LRRC4C: variants seen among roughly 807,000 people sequenced by gnomAD.
LRRC4C encodes the protein leucine-rich repeat-containing protein 4C.
In LRRC4C, 5 loss-of-function variants were observed where a neutral mutation model predicts 33.6. The ratio of observed to expected loss-of-function variants is 0.15; its 90% confidence interval spans 0.08 to 0.31. LRRC4C has a LOEUF of 0.31. LRRC4C is among the 10% of genes least tolerant of loss of function. The probability of loss-of-function intolerance (pLI) is 1.00; values close to 1 mark genes in which losing one functional copy is unlikely to be tolerated. For missense variants in LRRC4C, 560 were observed against 796.7 expected (o/e 0.70, Z 3.58); for synonymous variants, 329 against 302.0 (o/e 1.09, Z -0.93).
At chr11:41,384,242 A>AAG (rs1339339402) in intron 1 of LRRC4C, among the ~76,000 whole-genome samples, 3 of 151,944 alleles carry the variant, frequency 2.0e-5, no homozygotes, top group Non-Finnish European at 4.4e-5. Flanking sequence ...GGAGGTAGTA[A>AAG]ATATGTTTTT....
In LRRC4C at chr11:41,304,156, C is replaced by T. The variant is rs1442315637; in HGVS notation, c.-496+155275G>A. On this transcript the variant is annotated intron_variant, in intron 1 of 6. Transcript: ENST00000528697. Reference sequence around the variant, plus strand: ...AGCCCCTCAGCCCGGCCAGCCGCCCCGTCCGGGAGGGAGGTGGGGGGGTCA... The same window carrying T: ...AGCCCCTCAGCCCGGCCAGCCGCCCTGTCCGGGAGGGAGGTGGGGGGGTCA... Among the ~76,000 whole-genome samples the T allele has an allele frequency of 8.8e-3, 827 of 94,462 alleles. 3 individuals carry two copies. Among genetic ancestry groups the T allele is most frequent in the African/African-American group, 0.024 (778 of 32,964 alleles). The allele number at this position is 94,462 out of a possible 152,430, so 62.0% of individuals were successfully genotyped here. A position where few individuals can be genotyped will look rare whatever the true frequency, so the allele number is the denominator to read the frequency against.
chr11:40,920,766 TA>T (rs2136355716), intron 2 of LRRC4C, among the ~76,000 whole-genome samples: 2 of 152,232 alleles, frequency 1.3e-5, no homozygotes, highest in East Asian at 3.9e-4. Context: ...GACCATGTCC[TA>T]AATTTTGGAA....
intron 2 of LRRC4C, among the ~76,000 whole-genome samples, chr11:40,735,174 A>G (rs1947795180): frequency 6.6e-6 from 1 of 152,026 alleles, no homozygotes; most frequent in Admixed American, 6.6e-5. Context: ...TTTTATTATT[A>G]TTACACTTTA....
chr11:40,274,777 A>G (rs1748575531), intron 4 of LRRC4C, among the ~76,000 whole-genome samples: 1 of 152,132 alleles, frequency 6.6e-6, no homozygotes, highest in Non-Finnish European at 1.5e-5. Context: ...GGTAACTTAC[A>G]TAGAGTGCTA....
At chr11:41,376,079 G>A (rs780523320) in intron 1 of LRRC4C, among the ~76,000 whole-genome samples, 13 of 151,352 alleles carry the variant, frequency 8.6e-5, no homozygotes, top group Admixed American at 7.2e-4. Flanking sequence ...GAGAAGACTA[G>A]CATTAATTGT....
At position 40,206,194 on chromosome 11, in the gene LRRC4C, A is replaced by G. The variant is rs4534571; in HGVS notation, c.-96+35325T>C. ...AATTAATTGAGGTAATCTTCCCAACAATTTTATAGGACAGAGAATGGGATG... is the reference window on the plus strand; with the variant it reads ...AATTAATTGAGGTAATCTTCCCAACGATTTTATAGGACAGAGAATGGGATG... On this transcript the variant is annotated intron_variant, in intron 5 of 6. Coordinates refer to ENST00000528697, the MANE Select transcript of LRRC4C (RefSeq NM_001258419.2). 2.4e-3 allele frequency among the ~76,000 whole-genome samples: 361 copies of G among 152,160 alleles called. 1 individual carries two copies. The highest frequency in any genetic ancestry group is 0.022 in the South Asian group (107 of 4,814).
At chr11:41,031,526 G>T (rs1856728439) in intron 1 of LRRC4C, among the ~76,000 whole-genome samples, 1 of 151,948 alleles carries the variant, frequency 6.6e-6, no homozygotes, top group Non-Finnish European at 1.5e-5. Context: ...TGCTTGACAA[G>T]TTCATTCAGT....
chr11:41,054,117 C>T (rs1245118930), intron 1 of LRRC4C, among the ~76,000 whole-genome samples: 1 of 152,180 alleles, frequency 6.6e-6, no homozygotes, highest in Non-Finnish European at 1.5e-5. Context: ...CTAAATCAAA[C>T]TGTGTCTTAT....
At chr11:40,461,192 C>A (rs1952381571) in intron 3 of LRRC4C, among the ~76,000 whole-genome samples, 1 of 152,008 alleles carries the variant, frequency 6.6e-6, no homozygotes, top group Admixed American at 6.6e-5. Context: ...TTATTAGTGG[C>A]AAGGGAAAAA....
At chr11:41,429,520 C>G (rs1278361922) in intron 1 of LRRC4C, among the ~76,000 whole-genome samples, 1 of 152,112 alleles carries the variant, frequency 6.6e-6, no homozygotes, top group Non-Finnish European at 1.5e-5. Context: ...ATGAAGAAGA[C>G]AGCTATTATC....
intron 1 of LRRC4C, among the ~76,000 whole-genome samples, chr11:41,113,028 T>C (rs973712345): frequency 7.2e-5 from 11 of 152,130 alleles, no homozygotes; most frequent in African/African-American, 2.7e-4. Context: ...AAGTCTTTAT[T>C]TGTGTATAGG....
chr11:40,936,996 G>A (rs1957930800), intron 1 of LRRC4C, among the ~76,000 whole-genome samples: 2 of 152,158 alleles, frequency 1.3e-5, no homozygotes, highest in African/African-American at 4.8e-5. Flanking sequence ...CAAAGTAACT[G>A]TCTAACATTG....
chr11:40,180,427 C>T (rs1467254442), intron 5 of LRRC4C, among the ~76,000 whole-genome samples: 2 of 152,210 alleles, frequency 1.3e-5, no homozygotes, highest in African/African-American at 4.8e-5. Flanking sequence ...TCCTCTTCCT[C>T]TTGAGATCCC....
chr11:40,707,808 TG>T (rs1946245545), intron 2 of LRRC4C, among the ~76,000 whole-genome samples: 1 of 152,222 alleles, frequency 6.6e-6, no homozygotes, highest in African/African-American at 2.4e-5. Flanking sequence ...TTTGTACCTC[TG>T]GTATAATTCG....
chr11:41,441,969 G>C (rs758470940), intron 1 of LRRC4C, among the ~76,000 whole-genome samples: 9 of 152,104 alleles, frequency 5.9e-5, no homozygotes, highest in Admixed American at 1.3e-4. Flanking sequence ...ATCATCATTA[G>C]TATTTCAGTA....
chr11:40,172,441 G>A (rs1460499186), intron 5 of LRRC4C, among the ~76,000 whole-genome samples: 3 of 151,924 alleles, frequency 2.0e-5, no homozygotes, highest in Non-Finnish European at 2.9e-5. Context: ...TCATTCCCTC[G>A]ATTAACTCCC....
At chr11:40,911,917 G>A (rs1002976998) in intron 2 of LRRC4C, among the ~76,000 whole-genome samples, 18 of 152,162 alleles carry the variant, frequency 1.2e-4, no homozygotes, top group Non-Finnish European at 2.5e-4. Flanking sequence ...CTCAGTAGCC[G>A]ATTCAATCAA....
chr11:41,286,499 G>T lies in LRRC4C; in HGVS notation c.-496+172932C>A, dbSNP rs559767189. 2.6e-5 allele frequency among the ~76,000 whole-genome samples: 4 copies of T among 152,198 alleles called. No individual in the cohort carries two copies. In the South Asian group the frequency reaches 8.3e-4, roughly 32 times the overall value. Reference sequence around the variant, plus strand: ...CCCTGAGTCTTCTCAGGGACTCACTGGGCTATATTTTTCATCTTCCAGTGA... The same window carrying T: ...CCCTGAGTCTTCTCAGGGACTCACTTGGCTATATTTTTCATCTTCCAGTGA... On this transcript the variant is annotated intron_variant, in intron 1 of 6. Transcript: ENST00000528697.
rs536046292 is a variant in LRRC4C at position 41,257,933 on chromosome 11, A to G, written c.-496+201498T>C. On this transcript the variant is annotated intron_variant, in intron 1 of 6. Coordinates refer to ENST00000528697, the MANE Select transcript of LRRC4C (RefSeq NM_001258419.2). ...ATATGAGTTCTTTTTCTTTTCCTGTATCTATAAATCCATTTTTTCATGGTG... is the reference window on the plus strand; with the variant it reads ...ATATGAGTTCTTTTTCTTTTCCTGTGTCTATAAATCCATTTTTTCATGGTG... 3.3e-5 allele frequency among the ~76,000 whole-genome samples: 5 copies of G among 152,026 alleles called. No individual in the cohort carries two copies. In the East Asian group the frequency reaches 9.7e-4, roughly 29 times the overall value.
Sources: allele counts gnomAD v4.1 joint callset (sites outside exome capture counted in the v4.1 genomes callset), GRCh38; gene constraint gnomAD v4.1.1; transcripts MANE v1.5; gene names NCBI Gene and HGNC (gene_info 2026-07-23, HGNC 2026-07-21).